Variants in SOX6 observed in about 807,000 individuals in gnomAD.
SOX6 encodes SRY-box transcription factor 6.
A neutral mutation model predicts 97.8 loss-of-function variants in SOX6; 11 were observed. The ratio of observed to expected loss-of-function variants is 0.11; its 90% CI spans 0.07 to 0.19. The LOEUF is 0.19. Among genes scored for constraint, SOX6 ranks in the 10% least tolerant of loss-of-function variants. SOX6 has a pLI of 1.00. For missense variants in SOX6, 810 were observed against 1,039.5 expected (o/e 0.78, Z 3.04); for synonymous variants, 360 against 371.4 (o/e 0.97, Z 0.35).
intron 4 of SOX6, among the ~76,000 whole-genome samples, chr11:16,528,534 A>G (rs1365732215): frequency 6.6e-6 from 1 of 152,110 alleles, no homozygotes; most frequent in Non-Finnish European, 1.5e-5. Context: ...AGTTATAAGC[A>G]TTAACTTAAC....
intron 6 of SOX6, among the ~76,000 whole-genome samples, chr11:16,155,613 T>C (rs1850577574): frequency 6.6e-6 from 1 of 152,146 alleles, no homozygotes; most frequent in Non-Finnish European, 1.5e-5. Context: ...ATAAGGCATG[T>C]ATTACAGTAT....
At chr11:16,400,058 T>G (rs1480869882) in intron 1 of SOX6, among the ~76,000 whole-genome samples, 1 of 151,534 alleles carries the variant, frequency 6.6e-6, no homozygotes, top group Non-Finnish European at 1.5e-5. Context: ...TTTTAAAGTT[T>G]CAATAAACCA....
chr11:16,636,966 C>T (rs1000046754), intron 3 of SOX6, among the ~76,000 whole-genome samples: 1 of 152,102 alleles, frequency 6.6e-6, no homozygotes, highest in African/African-American at 2.4e-5. Context: ...TGGGTATGTC[C>T]CTATAGCAGC....
At chr11:16,133,631 T>C (rs994437459) in intron 6 of SOX6, among the ~76,000 whole-genome samples, 2 of 152,202 alleles carry the variant, frequency 1.3e-5, no homozygotes, top group Non-Finnish European at 2.9e-5. Context: ...TTGAGACTTA[T>C]GACATTACAA....
intron 1 of SOX6, among the ~76,000 whole-genome samples, chr11:16,411,344 T>C (rs932184377): frequency 7.2e-5 from 11 of 152,138 alleles, no homozygotes; most frequent in African/African-American, 2.7e-4. Flanking sequence ...CACCCCAATC[T>C]TTTCCTAATG....
intron 7 of SOX6, among the ~76,000 whole-genome samples, chr11:16,101,232 A>G (rs1172225324): frequency 2.6e-5 from 4 of 151,578 alleles, no homozygotes; most frequent in African/African-American, 9.7e-5. Flanking sequence ...ATTCCTCTAC[A>G]CTCTGAGGGA....
At chr11:16,342,395 A>T (rs1316455655) in intron 1 of SOX6, among the ~76,000 whole-genome samples, 1 of 151,940 alleles carries the variant, frequency 6.6e-6, no homozygotes, top group East Asian at 1.9e-4. Flanking sequence ...TCTCCACCTT[A>T]ATTGCTATTT....
At chr11:16,486,541 A>G (rs899128568) in intron 4 of SOX6, among the ~76,000 whole-genome samples, 3 of 152,162 alleles carry the variant, frequency 2.0e-5, no homozygotes, top group Non-Finnish European at 4.4e-5. Context: ...TACCTATATT[A>G]GAAATGCCTA....
Position 16,640,653 on chromosome 11 carries a change from C to T in SOX6, n.430-28393G>A, listed in dbSNP as rs530562105. 1.6e-4 allele frequency among the ~76,000 whole-genome samples: 25 copies of T among 152,188 alleles called. 1 individual carries two copies. The highest frequency in any genetic ancestry group is 5.2e-4 in the Admixed American group (8 of 15,276). On this transcript the variant is annotated intron_variant and non_coding_transcript_variant, in intron 3 of 5. Coordinates refer to the SOX6 transcript ENST00000524520. ...TTTAGTCTTGGGAGGGCGTATGTGTCGAGGAATTTATCCATTTCTTCTAGA... is the reference window on the plus strand; with the variant it reads ...TTTAGTCTTGGGAGGGCGTATGTGTTGAGGAATTTATCCATTTCTTCTAGA...
intron 12 of SOX6, among the ~76,000 whole-genome samples, chr11:16,044,958 GTCTATCTGTCTA>G (rs1855782013): frequency 7.2e-6 from 1 of 139,632 alleles, no homozygotes. Flanking sequence ...CTATCTATCT[GTCTATCTGTCTA>G]TCTATCTATC....
intron 3 of SOX6, among the ~76,000 whole-genome samples, chr11:16,629,040 T>A (rs1210167125): frequency 1.3e-5 from 2 of 152,214 alleles, no homozygotes; most frequent in Non-Finnish European, 2.9e-5. Context: ...ATATAATCTG[T>A]GAAAAGAGTT....
At chr11:16,110,765 A>T (rs1849210104) in intron 7 of SOX6, among the ~76,000 whole-genome samples, 1 of 152,218 alleles carries the variant, frequency 6.6e-6, no homozygotes, top group East Asian at 1.9e-4. Flanking sequence ...GCTAAAATGC[A>T]CTAGGCTTGT....
chr11:16,080,042 T>C (rs1848438596), intron 9 of SOX6, among the ~76,000 whole-genome samples: 1 of 148,772 alleles, frequency 6.7e-6, no homozygotes, highest in Non-Finnish European at 1.5e-5. Flanking sequence ...TAACAGTTAA[T>C]ATAAAAGACT....
chr11:16,274,973 G>T (rs1193116308), intron 3 of SOX6, among the ~76,000 whole-genome samples: 1 of 151,872 alleles, frequency 6.6e-6, no homozygotes, highest in Non-Finnish European at 1.5e-5. Flanking sequence ...CTTCAGAAAA[G>T]AAATAAAAGA....
intron 4 of SOX6, among the ~76,000 whole-genome samples, chr11:16,507,843 C>G (rs919298454): frequency 6.6e-6 from 1 of 152,082 alleles, no homozygotes; most frequent in Admixed American, 6.6e-5. Context: ...ATGGCTAAGA[C>G]TTCAAAAGCA....
At chr11:16,368,905 C>A (rs1400602048) in intron 1 of SOX6, among the ~76,000 whole-genome samples, 1 of 152,034 alleles carries the variant, frequency 6.6e-6, no homozygotes, top group East Asian at 1.9e-4. Flanking sequence ...CAACCCAATT[C>A]AACAATGAGC....
intron 9 of SOX6, among the ~76,000 whole-genome samples, chr11:16,060,103 T>A (rs1847908810): frequency 1.3e-5 from 2 of 152,026 alleles, no homozygotes; most frequent in Middle Eastern, 3.4e-3. Context: ...CAATCTTGAG[T>A]CCTTTGGGAA....
At chr11:16,190,501 G>A (rs1426949002) in intron 4 of SOX6, among the ~76,000 whole-genome samples, 1 of 152,190 alleles carries the variant, frequency 6.6e-6, no homozygotes, top group Non-Finnish European at 1.5e-5. Context: ...GGTGTTATAA[G>A]TAATCCACAG....
intron 4 of SOX6, among the ~76,000 whole-genome samples, chr11:16,502,220 C>T (rs1304206066): frequency 1.3e-5 from 2 of 152,052 alleles, no homozygotes; most frequent in Non-Finnish European, 1.5e-5. Context: ...GGACAAAAAA[C>T]CAAACACCAC....
Sources: gnomAD v4.1 joint callset for allele counts (sites outside exome capture counted in the v4.1 genomes callset) on GRCh38, gnomAD v4.1.1 for gene constraint, MANE v1.5 for transcripts, NCBI Gene and HGNC (gene_info 2026-07-23, HGNC 2026-07-21) for gene names.